The following IRF2BP1 variants were observed in gnomAD, a reference collection of about 807,000 sequenced individuals.
The protein encoded by IRF2BP1 is interferon regulatory factor 2-binding protein 1.
Under a neutral mutation model 38.6 loss-of-function variants are expected in IRF2BP1, and 9 were observed. The observed-to-expected ratio is 0.23, with a 90% CI of 0.14 to 0.41. The LOEUF (loss-of-function observed/expected upper bound fraction) is 0.41, where lower values mean the gene tolerates loss of function less well. Ranked by LOEUF, IRF2BP1 falls within the 10% of genes least tolerant of loss-of-function variation. IRF2BP1 has a pLI of 1.00. For synonymous variants in IRF2BP1, 416 were observed against 383.4 expected, an observed-to-expected ratio of 1.08 and a Z score of -0.99; for missense variants, 631 against 829.6, an observed-to-expected ratio of 0.76 and a Z score of 2.94.
chr19:45,885,913 A>G lies in IRF2BP1; in HGVS notation c.-139T>C, dbSNP rs1967050039. 12 of 1,009,474 alleles carry G rather than the reference A, an allele frequency of 1.2e-5. No homozygotes were observed. The South Asian group carries it at 2.3e-4, about 19-fold the overall frequency. 62.5% of individuals were successfully genotyped at this position (1,009,474 alleles called of 1,614,324 possible). A position where few individuals can be genotyped will look rare whatever the true frequency, so the allele number is the denominator to read the frequency against. On this transcript the variant is annotated 5_prime_UTR_variant, in exon 1 of 1. Coordinates refer to ENST00000302165, the MANE Select transcript of IRF2BP1 (RefSeq NM_015649.3). The stretch of plus-strand genomic sequence containing the variant: ...CCGGCTCGGCCTCCCCGCCGGATCC[A>G]GGCCCGGCCCCCCTTCCCCGCCCCC...
Position 45,884,982 on chromosome 19 carries a change from G to C in IRF2BP1, c.793C>G (p.Pro265Ala), listed in dbSNP as rs1568638252. ...TTCAGCTCGAACTCGTATCCTGGAG[G>C]ACGGGCAGTAGCATCGAAGGCGAAC... The part of the protein sequence containing the change: ...RVFAFDATAR[P>A]PGYEFELKLF... Residue 265 changes from proline to alanine, a missense_variant, in exon 1 of 1, where the codon CCT (proline) becomes GCT (alanine). Coordinates refer to ENST00000302165, the MANE Select transcript of IRF2BP1 (RefSeq NM_015649.3). The C allele has an allele frequency of 6.2e-7, 1 of 1,613,472 alleles. No homozygotes were observed. The highest frequency in any genetic ancestry group is 8.5e-7 in the Non-Finnish European group (1 of 1,180,040).
chr19:45,885,623 G>A lies in IRF2BP1; in HGVS notation c.152C>T (p.Ala51Val). 1.9e-6 allele frequency: 3 copies of A among 1,545,978 alleles called. No individual in the cohort carries two copies. The highest frequency in any genetic ancestry group is 1.7e-6 in the Non-Finnish European group (2 of 1,157,872). ...GTGGCTGCGCTTGAGCTGGCGGGCG[G>A]CATCGATGAGCAGTTCGATGCGGTC... ...GADRIELLIDAARQLKRSHVL... is the reference protein window; with the variant it reads ...GADRIELLIDVARQLKRSHVL... Residue 51 changes from alanine to valine, a missense_variant, in exon 1 of 1, where the codon GCC becomes GTC. Transcript: ENST00000302165.
rs745423252 is a variant in IRF2BP1, at chr19:45,885,106, G to A, written c.669C>T (p.His223=). 2.5e-6 allele frequency: 4 copies of A among 1,611,782 alleles called. No homozygotes were observed. Among genetic ancestry groups the A allele is most frequent in the Admixed American group, 1.7e-5 (1 of 60,036 alleles). The part of the protein sequence containing the change: ...EAMRGRAEEW[H]GRPKAVREQL... Reference sequence around the variant, plus strand: ...GTTCCCGCACTGCTTTGGGGCGCCCGTGCCATTCCTCTGCCCGGCCTCGCA... The same window carrying A: ...GTTCCCGCACTGCTTTGGGGCGCCCATGCCATTCCTCTGCCCGGCCTCGCA... Residue 223 remains histidine (H), a synonymous_variant, in exon 1 of 1, where the codon CAC becomes CAT. Transcript: ENST00000302165.
rs957201767 is a variant in IRF2BP1, at chr19:45,885,813, C to T, written c.-39G>A. On this transcript the variant is annotated 5_prime_UTR_variant, in exon 1 of 1. Coordinates refer to ENST00000302165, the MANE Select transcript of IRF2BP1 (RefSeq NM_015649.3). ...GCGCCGCCCAGCTCCCGCGTTCCAC[C>T]GGCCGCCGACGTGCGATCCGCGCCG... is the stretch of plus-strand genomic sequence containing the variant. The T allele has an allele frequency of 2.7e-6, 4 of 1,489,470 alleles. No homozygotes were observed. The African/African-American group carries it at 4.4e-5, about 16-fold the overall frequency. 92.3% of individuals were successfully genotyped at this position (1,489,470 alleles called of 1,614,324 possible).
At position 45,885,019 on chromosome 19, in the gene IRF2BP1, C is replaced by G. The variant is rs757414037; in HGVS notation, c.756G>C (p.Leu252=). ...FNVRFKKDHG[L]VGRVFAFDAT... is the part of the protein sequence containing the mutation. The stretch of plus-strand genomic sequence containing the variant: ...CATCGAAGGCGAACACTCGCCCCAC[C>G]AGCCCGTGATCCTTCTTGAAGCGCA... Residue 252 remains leucine, a synonymous_variant, in exon 1 of 1, where the codon CTG becomes CTC. Coordinates refer to ENST00000302165, the MANE Select transcript of IRF2BP1 (RefSeq NM_015649.3). 6.2e-7 allele frequency: 1 copy of G among 1,613,386 alleles called. No homozygotes were observed. The highest frequency in any genetic ancestry group is 8.5e-7 in the Non-Finnish European group (1 of 1,180,038).
chr19:45,884,214 C>T lies in IRF2BP1; in HGVS notation c.1561G>A (p.Val521Met), dbSNP rs1448415082. Residue 521 changes from valine (V) to methionine (M), a missense_variant, in exon 1 of 1, where the codon GTG (valine) becomes ATG (methionine). By Grantham distance (21) the Val-to-Met change is conservative. This residue lies in a region of IRF2BP1 where 58 missense variants were observed against 108.4 expected (regional missense o/e 0.54). Coordinates refer to ENST00000302165, the MANE Select transcript of IRF2BP1 (RefSeq NM_015649.3). ...EDTHFVQCPS[V>M]PGHKFCFPCS... ...GGAAAGCAGAACTTGTGTCCGGGCA[C>T]CGAGGGGCACTGGACGAAGTGGGTG... 2 of 1,611,790 alleles carry T rather than the reference C, an allele frequency of 1.2e-6. No individual in the cohort carries two copies. The highest frequency in any genetic ancestry group is 1.3e-5 in the African/African-American group (1 of 74,928).
In IRF2BP1 at chr19:45,885,105, C is replaced by A; in HGVS notation, c.670G>T (p.Gly224Trp). ...TGTTCCCGCACTGCTTTGGGGCGCC[C>A]GTGCCATTCCTCTGCCCGGCCTCGC... ...AMRGRAEEWH[G>W]RPKAVREQLL... Residue 224 changes from glycine to tryptophan, a missense_variant, in exon 1 of 1, where the codon GGG becomes TGG. Physicochemically the swap from Gly to Trp is radical, Grantham distance 184. This residue lies in a region of IRF2BP1 where 133 missense variants were observed against 232.2 expected (regional missense o/e 0.57). Coordinates refer to ENST00000302165, the MANE Select transcript of IRF2BP1 (RefSeq NM_015649.3). 2 of 1,611,854 alleles carry A rather than the reference C, an allele frequency of 1.2e-6. No individual in the cohort carries two copies. The highest frequency in any genetic ancestry group is 1.7e-6 in the Non-Finnish European group (2 of 1,180,032).
chr19:45,885,415 G>C lies in IRF2BP1; in HGVS notation c.360C>G (p.Arg120=), dbSNP rs761785409. ...CCAGGGCGGGCGAGGGCAGGGGGAG[G>C]CGGCCTGATGATGTGGCCCTGTCAT... ...DRYDRATSSG[R]LPLPSPALEY... is the part of the protein sequence containing the mutation. The change falls in exon 1 of 1, where the codon CGC becomes CGG. Residue 120 remains arginine, a synonymous_variant. Transcript: ENST00000302165. The C allele has an allele frequency of 6.3e-7, 1 of 1,583,264 alleles. No homozygotes were observed. The highest frequency in any genetic ancestry group is 8.6e-7 in the Non-Finnish European group (1 of 1,165,522).
rs1351902596 is a variant in IRF2BP1, at chr19:45,885,606, G to A, written c.169C>T (p.Arg57Cys). The change falls in exon 1 of 1, where the codon CGC becomes TGC. Residue 57 changes from arginine (R) to cysteine (C), a missense_variant. By Grantham distance (180) the Arg-to-Cys change is radical. This residue lies in a region of IRF2BP1 where 206 missense variants were observed against 207.0 expected (regional missense o/e 1.00). Coordinates refer to ENST00000302165, the MANE Select transcript of IRF2BP1 (RefSeq NM_015649.3). ...LLIDAARQLK[R>C]SHVLPEGRSP... ...CGGCCCTCGGGGAGCACGTGGCTGC[G>A]CTTGAGCTGGCGGGCGGCATCGATG... The A allele has an allele frequency of 2.0e-6, 3 of 1,536,370 alleles. No homozygotes were observed. The highest frequency in any genetic ancestry group is 2.6e-5 in the East Asian group (1 of 37,860).
Position 45,885,591 on chromosome 19 carries a change from G to A in IRF2BP1, c.184C>T (p.Pro62Ser). The change falls in exon 1 of 1, where the codon CCC (proline) becomes TCC (serine). Residue 62 changes from proline (P) to serine (S), a missense_variant. By Grantham distance (74) the Pro-to-Ser change is moderately conservative. Coordinates refer to ENST00000302165, the MANE Select transcript of IRF2BP1 (RefSeq NM_015649.3). ...GGGGGCCCGGGCGAGCGGCCCTCGGGGAGCACGTGGCTGCGCTTGAGCTGG... is the reference window on the plus strand; with the variant it reads ...GGGGGCCCGGGCGAGCGGCCCTCGGAGAGCACGTGGCTGCGCTTGAGCTGG... Reference protein sequence around the residue: ...ARQLKRSHVLPEGRSPGPPAL... With the variant: ...ARQLKRSHVLSEGRSPGPPAL... 1 of 1,514,542 alleles carries A rather than the reference G, an allele frequency of 6.6e-7. No individual in the cohort carries two copies. Among genetic ancestry groups the A allele is most frequent in the Non-Finnish European group, 8.8e-7 (1 of 1,140,298 alleles). The allele number at this position is 1,514,542 out of a possible 1,614,324, so 93.8% of individuals were successfully genotyped here.
In IRF2BP1 at chr19:45,884,415, G is replaced by T; in HGVS notation, c.1360C>A (p.Pro454Thr). ...GGPVRAGGASPAASSTAQPPT... is the reference protein window; with the variant it reads ...GGPVRAGGASTAASSTAQPPT... ...GGCTGGGCCGTGGAGGAGGCTGCAG[G>T]GCTGGCGCCCCCTGCACGCACAGGC... is the stretch of plus-strand genomic sequence containing the variant. The change falls in exon 1 of 1, where the codon CCT (proline) becomes ACT (threonine). Residue 454 changes from proline (P) to threonine (T), a missense_variant. Physicochemically the swap from Pro to Thr is conservative, Grantham distance 38. Coordinates refer to ENST00000302165, the MANE Select transcript of IRF2BP1 (RefSeq NM_015649.3). 1 of 1,600,328 alleles carries T rather than the reference G, an allele frequency of 6.2e-7. No individual in the cohort carries two copies. Among genetic ancestry groups the T allele is most frequent in the Middle Eastern group, 1.7e-4 (1 of 5,930 alleles).
In IRF2BP1 at chr19:45,884,364, G is replaced by A; in HGVS notation, c.1411C>T (p.Arg471Cys). Residue 471 changes from arginine to cysteine, a missense_variant, in exon 1 of 1, where the codon CGC becomes TGC. Arg to Cys is a radical substitution (Grantham distance 180). Transcript: ENST00000302165. ...GGACTGACTTCTGCTTCGCCGTTGC[G>A]GGCCACAAGGCGATGCTGGGTTGGC... Reference protein sequence around the residue: ...QPPTQHRLVARNGEAEVSPTA... With the variant: ...QPPTQHRLVACNGEAEVSPTA... 1 of 1,607,272 alleles carries A rather than the reference G, an allele frequency of 6.2e-7. No individual in the cohort carries two copies. The highest frequency in any genetic ancestry group is 1.1e-5 in the South Asian group (1 of 90,808).
chr19:45,885,083 T>A lies in IRF2BP1; in HGVS notation c.692A>T (p.Glu231Val). 1 of 1,612,414 alleles carries A rather than the reference T, an allele frequency of 6.2e-7. No individual in the cohort carries two copies. Among genetic ancestry groups the A allele is most frequent in the Non-Finnish European group, 8.5e-7 (1 of 1,180,028 alleles). ...GCAGGCGGACAGCGCCAGTAGCTGT[T>A]CCCGCACTGCTTTGGGGCGCCCGTG... ...EWHGRPKAVREQLLALSACAP... is the reference protein window; with the variant it reads ...EWHGRPKAVRVQLLALSACAP... The change falls in exon 1 of 1, where the codon GAA (glutamate) becomes GTA (valine). Residue 231 changes from glutamate to valine, a missense_variant. This residue lies in a region of IRF2BP1 where 133 missense variants were observed against 232.2 expected (regional missense o/e 0.57). Transcript: ENST00000302165.
Position 45,884,512 on chromosome 19 carries a change from C to T in IRF2BP1, c.1263G>A (p.Ser421=), listed in dbSNP as rs758900961. ...CCACATTCTTCAGGGCGGCAATGGG[C>T]GAGGGCACACCAGGGGTCTCAGCGG... is the stretch of plus-strand genomic sequence containing the variant. ...PYSAETPGVP[S]PIAALKNVAE... The change falls in exon 1 of 1, where the codon TCG becomes TCA. Residue 421 remains serine (S), a synonymous_variant. Coordinates refer to ENST00000302165, the MANE Select transcript of IRF2BP1 (RefSeq NM_015649.3). 6.2e-7 allele frequency: 1 copy of T among 1,600,252 alleles called. No individual in the cohort carries two copies. The highest frequency in any genetic ancestry group is 8.5e-7 in the Non-Finnish European group (1 of 1,179,512).
At position 45,884,611 on chromosome 19, in the gene IRF2BP1, C is replaced by G; in HGVS notation, c.1164G>C (p.Glu388Asp). 1 of 1,599,570 alleles carries G rather than the reference C, an allele frequency of 6.3e-7. No homozygotes were observed. Among genetic ancestry groups the G allele is most frequent in the South Asian group, 1.1e-5 (1 of 91,000 alleles). Residue 388 changes from glutamate to aspartate, a missense_variant, in exon 1 of 1, where the codon GAG becomes GAC. Coordinates refer to ENST00000302165, the MANE Select transcript of IRF2BP1 (RefSeq NM_015649.3). ...TGGTCATCTTCCCAGCCGCCTCGCC[C>G]TCCGGCTCGGGGGATGCCTTGCGAC... ...PRRRKASPEPEGEAAGKMTTE... is the reference protein window; with the variant it reads ...PRRRKASPEPDGEAAGKMTTE...
In IRF2BP1 at chr19:45,885,592, G is replaced by C; in HGVS notation, c.183C>G (p.Leu61=). The C allele has an allele frequency of 6.6e-7, 1 of 1,517,040 alleles. No individual in the cohort carries two copies. The highest frequency in any genetic ancestry group is 1.2e-5 in the South Asian group (1 of 81,938). 94.0% of individuals were successfully genotyped at this position (1,517,040 alleles called of 1,614,324 possible). The change falls in exon 1 of 1, where the codon CTC becomes CTG. Residue 61 remains leucine, a synonymous_variant. Transcript: ENST00000302165. ...AARQLKRSHV[L]PEGRSPGPPA... The stretch of plus-strand genomic sequence containing the variant: ...GGGGCCCGGGCGAGCGGCCCTCGGG[G>C]AGCACGTGGCTGCGCTTGAGCTGGC...
chr19:45,884,597 C>T lies in IRF2BP1; in HGVS notation c.1178G>A (p.Gly393Glu), dbSNP rs764800899. ...ASPEPEGEAA[G>E]KMTTEEQQQR... is the part of the protein sequence containing the mutation. Reference sequence around the variant, plus strand: ...CTGCTGCTCCTCGGTGGTCATCTTCCCAGCCGCCTCGCCCTCCGGCTCGGG... The same window carrying T: ...CTGCTGCTCCTCGGTGGTCATCTTCTCAGCCGCCTCGCCCTCCGGCTCGGG... Residue 393 changes from glycine (G) to glutamate (E), a missense_variant, in exon 1 of 1, where the codon GGG (glycine) becomes GAG (glutamate). This residue lies in a region of IRF2BP1 where 201 missense variants were observed against 215.3 expected (regional missense o/e 0.93). Coordinates refer to ENST00000302165, the MANE Select transcript of IRF2BP1 (RefSeq NM_015649.3). 2 of 1,599,130 alleles carry T rather than the reference C, an allele frequency of 1.3e-6. No homozygotes were observed. Among genetic ancestry groups the T allele is most frequent in the South Asian group, 2.2e-5 (2 of 91,020 alleles).
Position 45,884,347 on chromosome 19 carries a change from T to C in IRF2BP1, c.1428A>G (p.Glu476=). ...HRLVARNGEA[E]VSPTAGAEAV... is the part of the protein sequence containing the mutation. ...CTTCGGCCCCCGCTGTGGGACTGACTTCTGCTTCGCCGTTGCGGGCCACAA... is the reference window on the plus strand; with the variant it reads ...CTTCGGCCCCCGCTGTGGGACTGACCTCTGCTTCGCCGTTGCGGGCCACAA... The change falls in exon 1 of 1, where the codon GAA becomes GAG. Residue 476 remains glutamate (E), a synonymous_variant. Transcript: ENST00000302165. 1.2e-6 allele frequency: 2 copies of C among 1,609,348 alleles called. No individual in the cohort carries two copies. The highest frequency in any genetic ancestry group is 1.7e-6 in the Non-Finnish European group (2 of 1,179,252).
Position 45,884,057 on chromosome 19 carries a change from G to A in IRF2BP1, c.1718C>T (p.Ala573Val), listed in dbSNP as rs750205302. ...FMQGEIATIL[A>V]GDIKVKKERD... ...TTCTTTCTTAACTTTGATGTCTCCA[G>A]CAAGGATGGTGGCGATCTCGCCCTG... The change falls in exon 1 of 1, where the codon GCT (alanine) becomes GTT (valine). Residue 573 changes from alanine (A) to valine (V), a missense_variant. Coordinates refer to ENST00000302165, the MANE Select transcript of IRF2BP1 (RefSeq NM_015649.3). 6.3e-7 allele frequency: 1 copy of A among 1,599,944 alleles called. No individual in the cohort carries two copies. The highest frequency in any genetic ancestry group is 8.5e-7 in the Non-Finnish European group (1 of 1,171,064).
Sources: gnomAD v4.1 joint callset for allele counts on GRCh38, gnomAD v4.1.1 for gene constraint, gnomAD v4.1.1 regional missense constraint, MANE v1.5 for transcripts, NCBI Gene and HGNC (gene_info 2026-07-23, HGNC 2026-07-21) for gene names.